Variants in NFASC observed in about 807,000 individuals in gnomAD.
NFASC encodes the protein neurofascin.
A neutral mutation model predicts 147.5 loss-of-function variants in NFASC; 43 were observed. The observed-to-expected ratio is 0.29, with a 90% CI of 0.23 to 0.38. The LOEUF (loss-of-function observed/expected upper bound fraction) is 0.38. Among genes scored for constraint, NFASC ranks in the 10% least tolerant of loss-of-function variants. NFASC has a pLI of 1.00. For missense variants in NFASC, 1,320 were observed against 1,689.0 expected (o/e 0.78, Z 3.83); for synonymous variants, 622 against 665.5 (o/e 0.93, Z 1.01).
At chr1:204,913,954 A>G (rs1357344041) in intron 1 of NFASC, among the ~76,000 whole-genome samples, 1 of 152,130 alleles carries the variant, frequency 6.6e-6, no homozygotes, top group Non-Finnish European at 1.5e-5. Context: ...AAAACATGGA[A>G]ACATAAAAAT....
At chr1:204,930,899 C>T (rs1220617898) in intron 2 of NFASC, among the ~76,000 whole-genome samples, 2 of 152,090 alleles carry the variant, frequency 1.3e-5, no homozygotes, top group Non-Finnish European at 2.9e-5. Context: ...AGAGGAGAAG[C>T]CACACAGGGG....
At chr1:204,933,652 G>A (rs996239935) in intron 2 of NFASC, among the ~76,000 whole-genome samples, 1 of 152,006 alleles carries the variant, frequency 6.6e-6, no homozygotes, top group African/African-American at 2.4e-5. Context: ...AGGAGGTTTG[G>A]CAAAATAAAG....
chr1:204,874,672 G>A (rs1352964800), intron 1 of NFASC, among the ~76,000 whole-genome samples: 6 of 152,186 alleles, frequency 3.9e-5, no homozygotes, highest in Admixed American at 6.5e-5. Context: ...ACCTAGGCCT[G>A]GGGCCTGGTC....
At chr1:204,947,972 ACT>A (rs1333820734) in intron 3 of NFASC, among the ~76,000 whole-genome samples, 1 of 151,896 alleles carries the variant, frequency 6.6e-6, no homozygotes, top group Non-Finnish European at 1.5e-5. Flanking sequence ...ACTCATGCAC[ACT>A]CACACGTGCC....
chr1:204,938,117 T>C (rs1212598483), intron 2 of NFASC, among the ~76,000 whole-genome samples: 1 of 152,184 alleles, frequency 6.6e-6, no homozygotes, highest in South Asian at 2.1e-4. Flanking sequence ...GAGCTCCCGA[T>C]GGCGACAGCT....
At position 204,991,302 on chromosome 1, in the gene NFASC, C is replaced by A. The variant is rs766315830; in HGVS notation, c.2778C>A (p.Thr926=). Residue 926 remains threonine, a synonymous_variant, in exon 24 of 30, where the codon ACC becomes ACA. Transcript: ENST00000339876. ...CGCTGTGTTCTGAAGCTACTCCAAC[C>A]GCAGGTACCGTACCAGCCGCGGAGG... The part of the protein sequence containing the change: ...SPAPPNEATP[T]AAPPTLPPTT... 1.1e-5 allele frequency: 18 copies of A among 1,612,774 alleles called. 2 individuals are homozygous for A. The South Asian group carries it at 1.9e-4, about 17-fold the overall frequency.
chr1:204,839,659 A>G (rs2102472790), intron 1 of NFASC, among the ~76,000 whole-genome samples: 1 of 152,166 alleles, frequency 6.6e-6, no homozygotes, highest in South Asian at 2.1e-4. Flanking sequence ...GGCTGTCCTG[A>G]GCTCGCCTCT....
At position 205,018,155 on chromosome 1, in the gene NFASC, G is replaced by A. The variant is rs1037979697; in HGVS notation, c.*1616G>A. On this transcript the variant is annotated 3_prime_UTR_variant, in exon 30 of 30. Coordinates refer to ENST00000339876, the MANE Select transcript of NFASC (RefSeq NM_001005388.3). ...AGCCTCAGAGACAGAGAAGGAGAGG[G>A]GGAGATCTTGAGTCTAAGAGGAACC... 6.6e-6 allele frequency: 1 copy of A among 152,644 alleles called. No individual in the cohort carries two copies. The highest frequency in any genetic ancestry group is 1.5e-5 in the Non-Finnish European group (1 of 68,062). The allele number at this position is 152,644 out of a possible 1,614,324, so 9.5% of individuals were successfully genotyped here. A position where few individuals can be genotyped will look rare whatever the true frequency, so the allele number is the denominator to read the frequency against.
intron 1 of NFASC, among the ~76,000 whole-genome samples, chr1:204,838,611 G>A (rs569283208): frequency 6.6e-6 from 1 of 152,230 alleles, no homozygotes; most frequent in African/African-American, 2.4e-5. Flanking sequence ...GGAAAGCGAT[G>A]TAGTGTTTAT....
chr1:204,860,503 C>T (rs1296970570), intron 1 of NFASC, among the ~76,000 whole-genome samples: 1 of 152,194 alleles, frequency 6.6e-6, no homozygotes, highest in Non-Finnish European at 1.5e-5. Flanking sequence ...CTGCTGCTCT[C>T]CCATACCAGA....
At chr1:204,977,541 G>A (rs2095431529) in intron 16 of NFASC, 140 bp from the exon 17 acceptor site, 1 of 640,668 alleles carries the variant, frequency 1.6e-6, no homozygotes. Flanking sequence ...GATTCCCCAT[G>A]GAAGGACGGG....
Position 204,979,533 on chromosome 1 carries a change from C to A in NFASC, c.2150C>A (p.Ser717Tyr). The change falls in exon 19 of 30, where the codon TCC becomes TAC. Residue 717 changes from serine (S) to tyrosine (Y), a missense_variant. Ser to Tyr is a moderately radical substitution (Grantham distance 144, BLOSUM62 -2). Coordinates refer to ENST00000339876, the MANE Select transcript of NFASC (RefSeq NM_001005388.3). The surrounding 1 kb of genome is among the most constrained non-coding windows in gnomAD (Gnocchi z 6.0). ...EVGSSHPSLP[S>Y]ERYRTSGAPP... ...GGGAGCAGCCACCCCAGCCTCCCATCCGAGCGCTACCGAACCAGTGGAGCA... is the reference window on the plus strand; with the variant it reads ...GGGAGCAGCCACCCCAGCCTCCCATACGAGCGCTACCGAACCAGTGGAGCA... 1 of 1,613,682 alleles carries A rather than the reference C, an allele frequency of 6.2e-7. No individual in the cohort carries two copies. The highest frequency in any genetic ancestry group is 8.5e-7 in the Non-Finnish European group (1 of 1,179,996).
In NFASC at chr1:204,946,504, G is replaced by A. The variant is rs556372447; in HGVS notation, c.91+2098G>A. On this transcript the variant is annotated intron_variant, in intron 3 of 29. Transcript: ENST00000339876. ...TGCCCCACACACATGGCACCTCCCC[G>A]GTTGCTGCAGGTCCAGTGGCCCTGG... The A allele has an allele frequency of 2.6e-4, 105 of 409,256 alleles. 1 individual carries two copies. The highest frequency in any genetic ancestry group is 1.3e-3 in the African/African-American group (63 of 49,218). The allele number at this position is 409,256 out of a possible 1,614,324, so 25.4% of individuals were successfully genotyped here.
intron 29 of NFASC, 55 bp downstream of exon 29, chr1:205,012,921 C>A: frequency 8.0e-7 from 1 of 1,252,406 alleles, no homozygotes; most frequent in Non-Finnish European, 1.2e-6. Context: ...GTCCCTGAGG[C>A]ACCACCCTCC....
In NFASC at chr1:204,890,347, G is replaced by T. The variant is rs376047216; in HGVS notation, c.-199-30285G>T. On this transcript the variant is annotated intron_variant, in intron 1 of 29. Coordinates refer to ENST00000339876, the MANE Select transcript of NFASC (RefSeq NM_001005388.3). ...CCCCATGTGATTGAGGGATCCAGAC[G>T]GCACTATGTGAAAACCTAGGAAGCA... is the stretch of plus-strand genomic sequence containing the variant. 7.7e-4 allele frequency among the ~76,000 whole-genome samples: 117 copies of T among 152,270 alleles called. 1 individual carries two copies. Among genetic ancestry groups the T allele is most frequent in the South Asian group, 5.0e-3 (24 of 4,820 alleles).
At chr1:204,965,004 T>C (rs2094871236) in intron 8 of NFASC, among the ~76,000 whole-genome samples, 1 of 152,160 alleles carries the variant, frequency 6.6e-6, no homozygotes, top group South Asian at 2.1e-4. Flanking sequence ...CAGAAACCCA[T>C]GGACCCACTC....
chr1:204,846,733 C>G (rs557627634), intron 1 of NFASC, among the ~76,000 whole-genome samples: 195 of 152,280 alleles, frequency 1.3e-3, no homozygotes, highest in African/African-American at 4.5e-3. Context: ...AGCCACGGGA[C>G]TTGGTGGCCA....
intron 1 of NFASC, among the ~76,000 whole-genome samples, chr1:204,889,214 A>G (rs1018045801): frequency 6.6e-6 from 1 of 152,258 alleles, no homozygotes; most frequent in Admixed American, 6.5e-5. Flanking sequence ...ACTTAAAATG[A>G]TACAATATTC....
chr1:204,945,004 C>G (rs2093616552), intron 3 of NFASC: 1 of 152,228 alleles, frequency 6.6e-6, no homozygotes, highest in African/African-American at 2.4e-5. Context: ...TTGTTTTCAA[C>G]TTTCCTGCAG....
Sources: allele counts gnomAD v4.1 joint callset (sites outside exome capture counted in the v4.1 genomes callset), GRCh38; gene constraint gnomAD v4.1.1; non-coding constraint Gnocchi (gnomAD v3.1); transcripts MANE v1.5; gene names NCBI Gene and HGNC (gene_info 2026-07-23, HGNC 2026-07-21).